The following PCDHGA10 variants were observed in gnomAD, a reference collection of about 807,000 sequenced individuals.
PCDHGA10 encodes protocadherin gamma-A10.
Under a neutral mutation model 59.5 loss-of-function variants are expected in PCDHGA10, and 42 were observed. That is an observed-to-expected ratio of 0.71 (90% CI 0.55 to 0.91). PCDHGA10 has a LOEUF of 0.91. Among genes scored for constraint, PCDHGA10 ranks in the 40% least tolerant of loss-of-function variants. PCDHGA10 has a pLI of 0.00. For synonymous variants in PCDHGA10, 511 were observed against 517.2 expected, an observed-to-expected ratio of 0.99 and a Z score of 0.16; for missense variants, 1,111 against 1,198.2, an observed-to-expected ratio of 0.93 and a Z score of 1.07.
At chr5:141,505,143 CAG>C (rs1332770308) in intron 2 of PCDHGA10, among the ~76,000 whole-genome samples, 1 of 152,172 alleles carries the variant, frequency 6.6e-6, no homozygotes, top group Non-Finnish European at 1.5e-5. Context: ...GCCTGGATGA[CAG>C]AGTAAGACCC....
rs1396618267 is a variant in PCDHGA10, at chr5:141,421,234, A to T, written c.2436+5623A>T. On this transcript the variant is annotated intron_variant, in intron 1 of 3. Coordinates refer to ENST00000398610, the MANE Select transcript of PCDHGA10 (RefSeq NM_018913.3). ...TATCGGCTTAGAGCCTGCCATGGCG[A>T]ATCGGCTACAGCGCGGGGACCGCAG... 7 of 1,593,656 alleles carry T rather than the reference A, an allele frequency of 4.4e-6. No homozygotes were observed. In the African/African-American group the frequency reaches 9.4e-5, roughly 21 times the overall value.
chr5:141,505,803 C>T (rs920849273), intron 3 of PCDHGA10, among the ~76,000 whole-genome samples: 29 of 152,116 alleles, frequency 1.9e-4, no homozygotes, highest in African/African-American at 6.5e-4. Flanking sequence ...GGACTTGGAT[C>T]GACTTGCTCA....
intron 1 of PCDHGA10, chr5:141,478,342 G>T (rs1489278202): frequency 6.2e-7 from 1 of 1,613,862 alleles, no homozygotes; most frequent in Non-Finnish European, 8.5e-7. Flanking sequence ...GGCCCTCCTT[G>T]CACGCGGACG....
At chr5:141,419,203 C>A in intron 1 of PCDHGA10, 1 of 1,613,988 alleles carries the variant, frequency 6.2e-7, no homozygotes, top group South Asian at 1.1e-5. Context: ...TCAATGACAA[C>A]GCGCCGGTTT....
intron 1 of PCDHGA10, chr5:141,433,104 A>G: frequency 6.2e-7 from 1 of 1,614,214 alleles, no homozygotes; most frequent in Non-Finnish European, 8.5e-7. Flanking sequence ...CTCGTCAGCC[A>G]GGAGAGCTTT....
chr5:141,481,868 C>A (rs983373194), intron 1 of PCDHGA10, among the ~76,000 whole-genome samples: 4 of 147,412 alleles, frequency 2.7e-5, no homozygotes, highest in African/African-American at 1.0e-4. Flanking sequence ...GAGCCGAGAT[C>A]GCGCCACTGC....
intron 2 of PCDHGA10, among the ~76,000 whole-genome samples, chr5:141,502,056 C>T (rs1163976282): frequency 1.3e-5 from 2 of 152,116 alleles, no homozygotes; most frequent in Non-Finnish European, 2.9e-5. Flanking sequence ...CTACTTTATT[C>T]CCATTAGCCC....
chr5:141,477,469 T>C lies in PCDHGA10; in HGVS notation c.2437-17338T>C, dbSNP rs2099411540. ...TGCGTGTTCAAGTGTCCGACATCAA[T>C]GACAACCCTCCACAATCTTCTCAAT... On this transcript the variant is annotated intron_variant, in intron 1 of 3. Coordinates refer to ENST00000398610, the MANE Select transcript of PCDHGA10 (RefSeq NM_018913.3). The surrounding 1 kb of genome is among the most constrained non-coding windows in gnomAD (Gnocchi z 4.9). 6.2e-7 allele frequency: 1 copy of C among 1,614,028 alleles called. No homozygotes were observed. Among genetic ancestry groups the C allele is most frequent in the South Asian group, 1.1e-5 (1 of 91,078 alleles).
Position 141,487,007 on chromosome 5 carries a change from G to A in PCDHGA10, c.2437-7800G>A, listed in dbSNP as rs563548715. The A allele has an allele frequency of 3.1e-6, 5 of 1,614,206 alleles. No homozygotes were observed. In the South Asian group the frequency reaches 5.5e-5, roughly 18 times the overall value. ...TGCTTGGGTTTCCTATCAGCTCCTGGAGGCCCCAGATCCCAGCCTGTTTGC... is the reference window on the plus strand; with the variant it reads ...TGCTTGGGTTTCCTATCAGCTCCTGAAGGCCCCAGATCCCAGCCTGTTTGC... On this transcript the variant is annotated intron_variant, in intron 1 of 3. Transcript: ENST00000398610. This position sits in a 1 kb window ranked among gnomAD's most constrained non-coding sequence, Gnocchi z 5.0.
At chr5:141,484,589 C>T (rs2154580160) in intron 1 of PCDHGA10, among the ~76,000 whole-genome samples, 1 of 152,074 alleles carries the variant, frequency 6.6e-6, no homozygotes, top group African/African-American at 2.4e-5. Context: ...GGAAGCTACT[C>T]ATTTAGAATA....
chr5:141,446,230 G>A (rs548647406), intron 1 of PCDHGA10, among the ~76,000 whole-genome samples: 22 of 152,208 alleles, frequency 1.4e-4, no homozygotes, highest in African/African-American at 4.6e-4. Context: ...GTGTTGCCTG[G>A]CAAGTGGTAG....
intron 2 of PCDHGA10, among the ~76,000 whole-genome samples, chr5:141,502,866 C>CTTTTT (rs549047197): frequency 1.6e-5 from 2 of 128,044 alleles, no homozygotes; most frequent in Non-Finnish European, 1.6e-5. Flanking sequence ...GACTCTCTGT[C>CTTTTT]TTTTTTTTTT....
At chr5:141,475,955 C>G (rs1562050812) in intron 1 of PCDHGA10, 8 of 800,218 alleles carry the variant, frequency 1.0e-5, no homozygotes, top group South Asian at 1.9e-5. Flanking sequence ...TTCTGCGCCC[C>G]GGGATGAGGC....
At chr5:141,499,029 A>AAGGAAGGAAGGAAGG (rs1562187768) in intron 2 of PCDHGA10, among the ~76,000 whole-genome samples, 10 of 139,968 alleles carry the variant, frequency 7.1e-5, no homozygotes, top group African/African-American at 2.8e-4. Context: ...AGGAAGGAAG[A>AAGGAAGGAAGGAAGG]AAAGAAAGAA....
intron 1 of PCDHGA10, among the ~76,000 whole-genome samples, chr5:141,473,343 T>C (rs1309426537): frequency 6.6e-6 from 1 of 152,218 alleles, no homozygotes; most frequent in Non-Finnish European, 1.5e-5. Flanking sequence ...TGCTAGACAG[T>C]GAGGATGCAA....
At chr5:141,508,483 G>T (rs1186425031) in intron 3 of PCDHGA10, among the ~76,000 whole-genome samples, 2 of 152,154 alleles carry the variant, frequency 1.3e-5, no homozygotes, top group East Asian at 3.9e-4. Context: ...TTACATTCTG[G>T]ATTTCCATAT....
At chr5:141,441,886 A>C (rs2098281968) in intron 1 of PCDHGA10, 1 of 345,040 alleles carries the variant, frequency 2.9e-6, no homozygotes, top group Non-Finnish European at 5.6e-6. Flanking sequence ...CCTGGTCACC[A>C]AGGTGGTGGC....
At chr5:141,421,894 C>T (rs764642401) in intron 1 of PCDHGA10, 6 of 1,613,586 alleles carry the variant, frequency 3.7e-6, no homozygotes, top group Non-Finnish European at 4.2e-6. Flanking sequence ...CGATCCCATC[C>T]GAAAGGGCGC....
intron 1 of PCDHGA10, chr5:141,418,408 A>G (rs2096253819): frequency 8.1e-6 from 13 of 1,614,032 alleles, no homozygotes; most frequent in Non-Finnish European, 1.1e-5. Flanking sequence ...TGGTGGAGAA[A>G]GACAATCCTG....
Sources: allele counts gnomAD v4.1 joint callset (sites outside exome capture counted in the v4.1 genomes callset), GRCh38; gene constraint gnomAD v4.1.1; non-coding constraint Gnocchi (gnomAD v3.1); transcripts MANE v1.5; gene names NCBI Gene and HGNC (gene_info 2026-07-23, HGNC 2026-07-21).